Variants in ZNF525 observed in about 807,000 individuals in gnomAD.
ZNF525 encodes zinc finger protein 525.
Under a neutral mutation model 37.6 loss-of-function variants are expected in ZNF525, and 33 were observed. That is an observed-to-expected ratio of 0.88 (90% CI 0.67 to 1.17). The LOEUF is 1.17. Ranked by LOEUF, ZNF525 falls within the 50% of genes most tolerant of loss-of-function variation. The probability of loss-of-function intolerance (pLI) is 0.00; values close to 1 mark genes in which losing one functional copy is unlikely to be tolerated. For missense variants in ZNF525, 449 were observed against 543.1 expected (o/e 0.83, Z 1.72); for synonymous variants, 170 against 182.3 (o/e 0.93, Z 0.54).
At chr19:53,374,495 G>T (rs1303418912) in intron 2 of ZNF525, among the ~76,000 whole-genome samples, 6 of 152,182 alleles carry the variant, frequency 3.9e-5, no homozygotes, top group African/African-American at 1.2e-4. Context: ...TCCAGGTCAG[G>T]CAGTTGAAAG....
At position 53,367,599 on chromosome 19, in the gene ZNF525, A is replaced by C. The variant is rs1293061344; in HGVS notation, c.-68+1840A>C. ...CTACTCCTATTAAGGTTTTGAATCG[A>C]CTGAAGGAGGAAAACCAGCCTCTAA... On this transcript the variant is annotated intron_variant, in intron 1 of 3. Transcript: ENST00000474037. 2.0e-5 allele frequency among the ~76,000 whole-genome samples: 3 copies of C among 152,352 alleles called. No homozygotes were observed. The South Asian group carries it at 6.2e-4, about 32-fold the overall frequency.
At position 53,382,273 on chromosome 19, in the gene ZNF525, C is replaced by T; in HGVS notation, c.*254C>T. ...GGCAAGACCTTCAGTCATACATCAT[C>T]CCTTACATGCCATCATAGACTTCAT... On this transcript the variant is annotated 3_prime_UTR_variant, in exon 4 of 4. Transcript: ENST00000474037. 6.9e-7 allele frequency: 1 copy of T among 1,459,334 alleles called. No homozygotes were observed. Among genetic ancestry groups the T allele is most frequent in the Non-Finnish European group, 9.6e-7 (1 of 1,040,198 alleles). 90.4% of individuals were successfully genotyped at this position (1,459,334 alleles called of 1,614,324 possible).
chr19:53,379,876 C>T (rs1345286170), intron 3 of ZNF525, among the ~76,000 whole-genome samples: 2 of 152,088 alleles, frequency 1.3e-5, no homozygotes, highest in East Asian at 3.9e-4. Flanking sequence ...CTGGCATGTG[C>T]CTGTAATCCC....
At chr19:53,372,855 A>G (rs12978545) in intron 2 of ZNF525, among the ~76,000 whole-genome samples, 98,375 of 152,088 alleles carry the variant, frequency 0.65, 32,582 homozygotes, top group South Asian at 0.75. Flanking sequence ...TTCCATCTTT[A>G]TTTTAAGAAT....
intron 1 of ZNF525, among the ~76,000 whole-genome samples, chr19:53,369,159 A>T (rs1600010275): frequency 6.6e-6 from 1 of 152,108 alleles, no homozygotes; most frequent in East Asian, 1.9e-4. Flanking sequence ...ATTTTAAACT[A>T]TTCACCAGGT....
rs978635878 is a variant in ZNF525 at position 53,381,893 on chromosome 19, G to A, written c.1314G>A (p.Leu438=). 1.0e-6 allele frequency: 1 copy of A among 980,610 alleles called. No homozygotes were observed. 60.7% of individuals were successfully genotyped at this position (980,610 alleles called of 1,614,324 possible). A position where few individuals can be genotyped will look rare whatever the true frequency, so the allele number is the denominator to read the frequency against. ...GGAGAATTCATAATGGAGAGAAACT[G>A]TACAAATGTAATGAGTGTGGCAAGA... ...RHRRIHNGEK[L]YKCNECGKTF... The change falls in exon 4 of 4, where the codon CTG becomes CTA. Residue 438 remains leucine (L), a synonymous_variant. Coordinates refer to ENST00000474037, the MANE Select transcript of ZNF525 (RefSeq NM_001348156.2).
At position 53,386,543 on chromosome 19, in the gene ZNF525, TTGGC is replaced by T; in HGVS notation, c.*4527_*4530del. ...TGTAAATTTGTTATAAACGCATTGG[TTGGC>T]TGTGTTCAGTAATAAACGTGAGACT... On this transcript the variant is annotated 3_prime_UTR_variant, in exon 4 of 4. Coordinates refer to ENST00000474037, the MANE Select transcript of ZNF525 (RefSeq NM_001348156.2). 2.0e-6 allele frequency: 1 copy of T among 505,482 alleles called. No homozygotes were observed. The highest frequency in any genetic ancestry group is 3.6e-6 in the Non-Finnish European group (1 of 275,442). The allele number at this position is 505,482 out of a possible 1,614,324, so 31.3% of individuals were successfully genotyped here.
At chr19:53,376,027 A>G (rs768304715) in intron 3 of ZNF525, 131 bp downstream of exon 3, 30 of 1,555,340 alleles carry the variant, frequency 1.9e-5, no homozygotes, top group Non-Finnish European at 2.3e-5. Flanking sequence ...GGCTCACTGC[A>G]ATCTTGAATT....
At chr19:53,375,517 G>A (rs1055874746) in intron 2 of ZNF525, among the ~76,000 whole-genome samples, 2 of 152,160 alleles carry the variant, frequency 1.3e-5, no homozygotes, top group African/African-American at 4.8e-5. Context: ...CCTGGGAGGT[G>A]GAGGTTGCAG....
chr19:53,380,733 A>G lies in ZNF525; in HGVS notation c.154A>G (p.Lys52Glu). The change falls in exon 4 of 4, where the codon AAA (lysine) becomes GAA (glutamate). Residue 52 changes from lysine (K) to glutamate (E), a missense_variant. This residue lies in a region of ZNF525 where 271 missense variants were observed against 381.6 expected (regional missense o/e 0.71). Coordinates refer to ENST00000474037, the MANE Select transcript of ZNF525 (RefSeq NM_001348156.2). ...TTTATATTTTGTAGGTATCTCTTCC[A>G]AATGCACAATGAAGGAGTTCTCATC... ...RNLVSLGISS[K>E]CTMKEFSSTA... 1 of 1,227,018 alleles carries G rather than the reference A, an allele frequency of 8.1e-7. No homozygotes were observed. The highest frequency in any genetic ancestry group is 1.2e-6 in the Non-Finnish European group (1 of 839,080). The allele number at this position is 1,227,018 out of a possible 1,614,324, so 76.0% of individuals were successfully genotyped here.
chr19:53,381,579 A>C lies in ZNF525; in HGVS notation c.1000A>C (p.Lys334Gln), dbSNP rs1267908936. Residue 334 changes from lysine (K) to glutamine (Q), a missense_variant, in exon 4 of 4, where the codon AAG (lysine) becomes CAG (glutamine). Lys to Gln is a moderately conservative substitution (Grantham distance 53). Around this residue, in one of 2 missense-constraint regions of ZNF525, gnomAD observed 178 missense variants for 161.5 expected, o/e 1.10. Transcript: ENST00000474037. Reference protein sequence around the residue: ...EKPHKCNECGKTFSQKSYLAC... With the variant: ...EKPHKCNECGQTFSQKSYLAC... Reference sequence around the variant, plus strand: ...ACCACATAAGTGTAATGAGTGTGGCAAGACCTTTAGTCAGAAGTCATACCT... The same window carrying C: ...ACCACATAAGTGTAATGAGTGTGGCCAGACCTTTAGTCAGAAGTCATACCT... 1 of 1,152,834 alleles carries C rather than the reference A, an allele frequency of 8.7e-7. No individual in the cohort carries two copies. Among genetic ancestry groups the C allele is most frequent in the Admixed American group, 1.7e-5 (1 of 59,460 alleles). 71.4% of individuals were successfully genotyped at this position (1,152,834 alleles called of 1,614,324 possible).
chr19:53,383,101 A>G lies in ZNF525; in HGVS notation c.*1082A>G, dbSNP rs2085579333. ...ATAAATGTGGCGAGGTTTTTAATCA[A>G]CAAGCACACCTTGCACGTCATCATA... On this transcript the variant is annotated 3_prime_UTR_variant, in exon 4 of 4. Transcript: ENST00000474037. The G allele has an allele frequency of 7.4e-7, 1 of 1,352,096 alleles. No homozygotes were observed. The highest frequency in any genetic ancestry group is 1.7e-5 in the Admixed American group (1 of 57,180). 83.8% of individuals were successfully genotyped at this position (1,352,096 alleles called of 1,614,324 possible).
chr19:53,369,110 G>A (rs1431203494), intron 1 of ZNF525, among the ~76,000 whole-genome samples: 2 of 152,174 alleles, frequency 1.3e-5, no homozygotes, highest in Non-Finnish European at 2.9e-5. Flanking sequence ...AAGGACCTTG[G>A]TTTGGTTTAA....
rs183818651 is a variant in ZNF525, at chr19:53,384,296, C to T, written c.*2277C>T. The T allele has an allele frequency of 2.9e-4, 53 of 183,446 alleles. No homozygotes were observed. Among genetic ancestry groups the T allele is most frequent in the Admixed American group, 1.1e-3 (19 of 17,296 alleles). The allele number at this position is 183,446 out of a possible 1,614,324, so 11.4% of individuals were successfully genotyped here. On this transcript the variant is annotated 3_prime_UTR_variant, in exon 4 of 4. Coordinates refer to ENST00000474037, the MANE Select transcript of ZNF525 (RefSeq NM_001348156.2). ...GTCAGGAGTTTGAGATCAGCCTGGA[C>T]AACAGACCTGAGCCACTTTTCCCAG...
intron 3 of ZNF525, chr19:53,376,171 C>T (rs1459324269): frequency 1.1e-5 from 9 of 800,766 alleles, no homozygotes; most frequent in African/African-American, 1.7e-5. Context: ...TGGTCTTGAT[C>T]TCCTGGGCTC....
In ZNF525 at chr19:53,383,484, A is replaced by G. The variant is rs2085583000; in HGVS notation, c.*1465A>G. 1 of 1,089,700 alleles carries G rather than the reference A, an allele frequency of 9.2e-7. No homozygotes were observed. The highest frequency in any genetic ancestry group is 1.9e-5 in the Admixed American group (1 of 52,446). 67.5% of individuals were successfully genotyped at this position (1,089,700 alleles called of 1,614,324 possible). A position where few individuals can be genotyped will look rare whatever the true frequency, so the allele number is the denominator to read the frequency against. On this transcript the variant is annotated 3_prime_UTR_variant, in exon 4 of 4. Coordinates refer to ENST00000474037, the MANE Select transcript of ZNF525 (RefSeq NM_001348156.2). The stretch of plus-strand genomic sequence containing the variant: ...TTCATACTGGAGAGAAACCATAAAA[A>G]TGTAAGAGTTTTTGACAAGGCTTTC...
intron 1 of ZNF525, among the ~76,000 whole-genome samples, chr19:53,371,401 T>C (rs113866821): frequency 0.14 from 21,881 of 151,940 alleles, 1,924 homozygotes; most frequent in Middle Eastern, 0.27. Context: ...GTTTTGAGTC[T>C]CATTCTGTCA....
chr19:53,366,819 A>G (rs1361469743), intron 1 of ZNF525, among the ~76,000 whole-genome samples: 4 of 142,228 alleles, frequency 2.8e-5, no homozygotes, highest in African/African-American at 1.2e-4. Context: ...CAGAGAAGAG[A>G]GAATTTAACG....
chr19:53,381,776 A>C lies in ZNF525; in HGVS notation c.1197A>C (p.Thr399=), dbSNP rs746281707. Residue 399 remains threonine, a synonymous_variant, in exon 4 of 4, where the codon ACA becomes ACC. Coordinates refer to ENST00000474037, the MANE Select transcript of ZNF525 (RefSeq NM_001348156.2). ...GKTFSHMSTL[T]CHRRLHTGEK... Reference sequence around the variant, plus strand: ...CCTTCAGTCATATGTCAACCCTTACATGCCATCGTAGACTTCATACTGGAG... The same window carrying C: ...CCTTCAGTCATATGTCAACCCTTACCTGCCATCGTAGACTTCATACTGGAG... The C allele has an allele frequency of 9.5e-7, 1 of 1,054,498 alleles. No individual in the cohort carries two copies. The highest frequency in any genetic ancestry group is 1.5e-6 in the Non-Finnish European group (1 of 668,392). 65.3% of individuals were successfully genotyped at this position (1,054,498 alleles called of 1,614,324 possible).
Sources: gnomAD v4.1 joint callset for allele counts (sites outside exome capture counted in the v4.1 genomes callset) on GRCh38, gnomAD v4.1.1 for gene constraint, gnomAD v4.1.1 regional missense constraint, MANE v1.5 for transcripts, NCBI Gene and HGNC (gene_info 2026-07-23, HGNC 2026-07-21) for gene names.